ADAM12: variants seen among roughly 807,000 people sequenced by gnomAD.
ADAM12 encodes disintegrin and metalloproteinase domain-containing protein 12.
A neutral mutation model predicts 106.4 loss-of-function variants in ADAM12; 70 were observed. That is an observed-to-expected ratio of 0.66 (90% CI 0.54 to 0.80). The LOEUF is 0.80. Among genes scored for constraint, ADAM12 ranks in the 30% least tolerant of loss-of-function variants. ADAM12 has a pLI of 0.00. For missense variants in ADAM12, 1,010 were observed against 1,171.9 expected (o/e 0.86, Z 2.02); for synonymous variants, 420 against 433.5 (o/e 0.97, Z 0.39).
intron 21 of ADAM12, among the ~76,000 whole-genome samples, chr10:126,020,068 G>A (rs1252062351): frequency 6.6e-6 from 1 of 152,196 alleles, no homozygotes; most frequent in Non-Finnish European, 1.5e-5. Context: ...CCTGGGCCCT[G>A]GGGTAGCGTT....
At chr10:126,116,752 T>C (rs868860407) in intron 6 of ADAM12, among the ~76,000 whole-genome samples, 1 of 151,988 alleles carries the variant, frequency 6.6e-6, no homozygotes, top group Non-Finnish European at 1.5e-5. Flanking sequence ...AAAGAATGAA[T>C]GTAAAATTAG....
At chr10:126,094,407 A>T (rs1163571847) in intron 10 of ADAM12, among the ~76,000 whole-genome samples, 1 of 152,214 alleles carries the variant, frequency 6.6e-6, no homozygotes, top group Non-Finnish European at 1.5e-5. Flanking sequence ...GACATCTTCA[A>T]GGCAGGGTCT....
At chr10:126,258,210 C>G (rs992774145) in intron 3 of ADAM12, among the ~76,000 whole-genome samples, 1 of 152,238 alleles carries the variant, frequency 6.6e-6, no homozygotes, top group Admixed American at 6.5e-5. Flanking sequence ...GCTTTCTGCA[C>G]TCTCATATCT....
intron 11 of ADAM12, among the ~76,000 whole-genome samples, chr10:126,082,289 C>T (rs377327274): frequency 6.6e-6 from 1 of 151,922 alleles, no homozygotes; most frequent in East Asian, 1.9e-4. Flanking sequence ...CAGCCAAGTC[C>T]AGGCACTGAG....
At chr10:126,223,145 T>C (rs1958127342) in intron 3 of ADAM12, among the ~76,000 whole-genome samples, 1 of 152,242 alleles carries the variant, frequency 6.6e-6, no homozygotes, top group South Asian at 2.1e-4. Flanking sequence ...CAAGTCCTTC[T>C]ACTTAGGATA....
At chr10:126,160,017 C>T (rs928559873) in intron 3 of ADAM12, among the ~76,000 whole-genome samples, 3 of 152,108 alleles carry the variant, frequency 2.0e-5, no homozygotes, top group Admixed American at 6.6e-5. Context: ...TGTTCCTTTT[C>T]GAGTTTTTCT....
rs139901472 is a variant in ADAM12 at position 126,324,970 on chromosome 10, T to C, written c.186+5442A>G. ...CTCCACGTGTGGTAGCTCTCACTGC[T>C]ATTTTCACTTATGTGAGCCCCTAGG... On this transcript the variant is annotated intron_variant, in intron 2 of 22. Coordinates refer to ENST00000448723, the MANE Select transcript of ADAM12 (RefSeq NM_001288973.2). 2.6e-3 allele frequency among the ~76,000 whole-genome samples: 400 copies of C among 152,118 alleles called. 3 individuals are homozygous for C. Among genetic ancestry groups the C allele is most frequent in the African/African-American group, 9.1e-3 (378 of 41,494 alleles).
intron 4 of ADAM12, 117 bp downstream of exon 4, chr10:126,155,110 G>A (rs1011764462): frequency 1.1e-4 from 124 of 1,120,152 alleles, no homozygotes; most frequent in Non-Finnish European, 1.6e-5. Flanking sequence ...AGCGCTTCTT[G>A]GGGGGGCCTA....
chr10:126,125,931 GC>G (rs1301935875), intron 5 of ADAM12, among the ~76,000 whole-genome samples: 2 of 151,748 alleles, frequency 1.3e-5, no homozygotes, highest in African/African-American at 4.8e-5. Context: ...AGCAGGGATG[GC>G]CAGAAGCCAC....
chr10:126,348,978 T>G (rs1207930909), intron 1 of ADAM12, among the ~76,000 whole-genome samples: 1 of 152,182 alleles, frequency 6.6e-6, no homozygotes, highest in African/African-American at 2.4e-5. Context: ...CCTTGAATGG[T>G]TTACAGGCCC....
At chr10:126,308,361 C>T (rs1960939586) in intron 2 of ADAM12, among the ~76,000 whole-genome samples, 1 of 152,192 alleles carries the variant, frequency 6.6e-6, no homozygotes, top group South Asian at 2.1e-4. Context: ...CCTTGTCTCC[C>T]AAGTTACCAG....
At chr10:126,083,834 T>C (rs528460008) in intron 11 of ADAM12, among the ~76,000 whole-genome samples, 1 of 152,334 alleles carries the variant, frequency 6.6e-6, no homozygotes, top group African/African-American at 2.4e-5. Flanking sequence ...GACACAGCTC[T>C]GACCACACAG....
intron 6 of ADAM12, among the ~76,000 whole-genome samples, chr10:126,115,708 T>C (rs2133615162): frequency 6.6e-6 from 1 of 152,262 alleles, no homozygotes; most frequent in Admixed American, 6.5e-5. Flanking sequence ...AAAAAGCAAA[T>C]GCAGTTGCTG....
chr10:126,255,613 C>T (rs1041832100), intron 3 of ADAM12, among the ~76,000 whole-genome samples: 3 of 152,222 alleles, frequency 2.0e-5, no homozygotes, highest in Non-Finnish European at 2.9e-5. Flanking sequence ...AGTACAACCT[C>T]GCTTTATACT....
intron 3 of ADAM12, among the ~76,000 whole-genome samples, chr10:126,176,721 T>C (rs983401752): frequency 2.0e-5 from 3 of 151,972 alleles, no homozygotes; most frequent in Non-Finnish European, 1.5e-5. Flanking sequence ...TAAATTCAAA[T>C]AAAAACTTAA....
chr10:126,049,705 C>A lies in ADAM12; in HGVS notation c.1610-36G>T. On this transcript the variant is annotated intron_variant, in intron 14 of 22. Transcript: ENST00000448723. This position sits in a 1 kb window ranked among gnomAD's most constrained non-coding sequence, Gnocchi z 4.4. ...AGCAGAACTGCATTTTCATCTCCTGCAGGTGATTTTTTTTTTTTCATGGCT... is the reference window on the plus strand; with the variant it reads ...AGCAGAACTGCATTTTCATCTCCTGAAGGTGATTTTTTTTTTTTCATGGCT... 1 of 1,572,232 alleles carries A rather than the reference C, an allele frequency of 6.4e-7. No individual in the cohort carries two copies. The highest frequency in any genetic ancestry group is 8.6e-7 in the Non-Finnish European group (1 of 1,156,610).
At chr10:126,159,929 T>C (rs1163082435) in intron 3 of ADAM12, among the ~76,000 whole-genome samples, 3 of 152,114 alleles carry the variant, frequency 2.0e-5, no homozygotes, top group Non-Finnish European at 4.4e-5. Context: ...ATGTCTTCTC[T>C]TGTCTAAGGA....
At chr10:126,267,171 A>C (rs1250552697) in intron 3 of ADAM12, among the ~76,000 whole-genome samples, 1 of 152,156 alleles carries the variant, frequency 6.6e-6, no homozygotes, top group Non-Finnish European at 1.5e-5. Context: ...AGTCCAGGGA[A>C]GTCAGATTGG....
rs141418733 is a variant in ADAM12 at position 126,334,797 on chromosome 10, G to A, written c.89-4288C>T. Among the ~76,000 whole-genome samples, 210 of 152,170 alleles carry A rather than the reference G, an allele frequency of 1.4e-3. 3 individuals are homozygous for A. The highest frequency in any genetic ancestry group is 4.7e-3 in the African/African-American group (195 of 41,526). On this transcript the variant is annotated intron_variant, in intron 1 of 22. Coordinates refer to ENST00000448723, the MANE Select transcript of ADAM12 (RefSeq NM_001288973.2). ...CCACACCACCCTGATGCCTACATCC[G>A]CGCAAGCTCCATTTCACAAGAGGTG... is the stretch of plus-strand genomic sequence containing the variant.
Sources: gnomAD v4.1 joint callset for allele counts (sites outside exome capture counted in the v4.1 genomes callset) on GRCh38, gnomAD v4.1.1 for gene constraint, Gnocchi (gnomAD v3.1) non-coding constraint, MANE v1.5 for transcripts, NCBI Gene and HGNC (gene_info 2026-07-23, HGNC 2026-07-21) for gene names.